The following SLC25A21 variants were observed in gnomAD, a reference collection of about 807,000 sequenced individuals.
SLC25A21 encodes mitochondrial 2-oxodicarboxylate carrier.
Under a neutral mutation model 43.8 loss-of-function variants are expected in SLC25A21, and 47 were observed. That is an observed-to-expected ratio of 1.07 (90% CI 0.85 to 1.37). SLC25A21 has a LOEUF of 1.37. Ranked by LOEUF, SLC25A21 falls within the 40% of genes most tolerant of loss-of-function variation. SLC25A21 has a pLI of 0.00. For synonymous variants in SLC25A21, 131 were observed against 121.3 expected (o/e 1.08, Z -0.52); for missense variants, 352 against 350.2 (o/e 1.00, Z -0.04).
At chr14:36,990,957 A>G (rs1371572851) in intron 1 of SLC25A21, among the ~76,000 whole-genome samples, 1 of 152,110 alleles carries the variant, frequency 6.6e-6, no homozygotes, top group Non-Finnish European at 1.5e-5. Flanking sequence ...ATCATCAGTC[A>G]ACTTGGAGTT....
intron 1 of SLC25A21, among the ~76,000 whole-genome samples, chr14:37,119,409 C>G (rs573662911): frequency 4.6e-5 from 7 of 151,958 alleles, no homozygotes; most frequent in African/African-American, 1.4e-4. Context: ...ATTATCCAGG[C>G]GTGGTGGTGT....
intron 3 of SLC25A21, among the ~76,000 whole-genome samples, chr14:36,813,366 A>AT (rs5807910): frequency 0.68 from 101,957 of 149,390 alleles, 36,068 homozygotes; most frequent in East Asian, 1. Flanking sequence ...GGACGCATCA[A>AT]TTTTTTTTTT....
chr14:37,075,241 C>G (rs1489134113), intron 1 of SLC25A21, among the ~76,000 whole-genome samples: 1 of 152,020 alleles, frequency 6.6e-6, no homozygotes, highest in African/African-American at 2.4e-5. Context: ...CTGATTTACA[C>G]TTCATGGGTG....
chr14:37,150,815 G>A (rs1963746406), intron 1 of SLC25A21, among the ~76,000 whole-genome samples: 1 of 152,074 alleles, frequency 6.6e-6, no homozygotes, highest in South Asian at 2.1e-4. Flanking sequence ...CAGATCTCTG[G>A]AGAGGATCTT....
At chr14:37,060,384 A>AATG (rs1961920233) in intron 1 of SLC25A21, among the ~76,000 whole-genome samples, 1 of 122,374 alleles carries the variant, frequency 8.2e-6, no homozygotes, top group Non-Finnish European at 1.6e-5. Context: ...ACTCTCTAAT[A>AATG]ATAATAATAA....
intron 2 of SLC25A21, among the ~76,000 whole-genome samples, chr14:36,843,338 A>G (rs369127368): frequency 8.9e-4 from 136 of 152,286 alleles, no homozygotes; most frequent in African/African-American, 3.2e-3. Flanking sequence ...AAAAAAGTCC[A>G]TTGTCAAGCA....
chr14:36,709,718 C>G (rs1445905068), intron 7 of SLC25A21, among the ~76,000 whole-genome samples: 1 of 149,060 alleles, frequency 6.7e-6, no homozygotes, highest in Non-Finnish European at 1.5e-5. Flanking sequence ...GAGAAAAGTC[C>G]TGGCCTTTAC....
intron 1 of SLC25A21, among the ~76,000 whole-genome samples, chr14:37,022,160 T>G (rs764815775): frequency 5.9e-5 from 9 of 151,952 alleles, no homozygotes; most frequent in Non-Finnish European, 1.2e-4. Flanking sequence ...ACTGCCATTA[T>G]TTTTTGTATA....
intron 1 of SLC25A21, among the ~76,000 whole-genome samples, chr14:36,884,661 A>T (rs2138573145): frequency 6.6e-6 from 1 of 152,248 alleles, no homozygotes; most frequent in African/African-American, 2.4e-5. Flanking sequence ...CTTTTTAGTA[A>T]CAGTGATTCT....
At chr14:37,154,257 C>G (rs534167647) in intron 1 of SLC25A21, among the ~76,000 whole-genome samples, 7 of 152,280 alleles carry the variant, frequency 4.6e-5, no homozygotes, top group South Asian at 4.1e-4. Flanking sequence ...ACAGATATCA[C>G]TAATCCTGTT....
chr14:36,810,575 C>T (rs548372884), intron 3 of SLC25A21, among the ~76,000 whole-genome samples: 1 of 152,034 alleles, frequency 6.6e-6, no homozygotes, highest in Non-Finnish European at 1.5e-5. Context: ...CACTAGGTGA[C>T]CTCAAAATAT....
chr14:37,031,758 T>C (rs1350867061), intron 1 of SLC25A21, among the ~76,000 whole-genome samples: 1 of 152,162 alleles, frequency 6.6e-6, no homozygotes, highest in Non-Finnish European at 1.5e-5. Flanking sequence ...AAACTATCAT[T>C]CCACAGCCAT....
chr14:37,150,970 G>A (rs1566915765), intron 1 of SLC25A21, among the ~76,000 whole-genome samples: 1 of 151,852 alleles, frequency 6.6e-6, no homozygotes, highest in Non-Finnish European at 1.5e-5. Context: ...CATACTTGAT[G>A]GTCGATAAAT....
intron 2 of SLC25A21, among the ~76,000 whole-genome samples, chr14:36,838,613 G>A (rs142976429): frequency 1.6e-3 from 251 of 152,280 alleles, no homozygotes; most frequent in Middle Eastern, 0.01. Flanking sequence ...GAAAATCAAC[G>A]TTAGAGACAG....
chr14:37,097,023 T>G (rs796530805), intron 1 of SLC25A21: 1 of 145,992 alleles, frequency 6.8e-6, no homozygotes, highest in African/African-American at 2.7e-5. Context: ...GGCTGGTTTT[T>G]TTTTTGTTTT....
At chr14:36,725,476 A>AATATAAAT (rs1408906207) in intron 6 of SLC25A21, 94 bp downstream of exon 6, 1 of 355,498 alleles carries the variant, frequency 2.8e-6, no homozygotes, top group Non-Finnish European at 4.2e-6. Context: ...ACTCTGTCCC[A>AATATAAAT]AAATAAATAA....
intron 1 of SLC25A21, among the ~76,000 whole-genome samples, chr14:37,124,919 A>C (rs1450579579): frequency 6.6e-6 from 1 of 152,212 alleles, no homozygotes; most frequent in Non-Finnish European, 1.5e-5. Context: ...AAGCTCCCTG[A>C]GGCCTCCCCA....
chr14:36,846,498 C>A (rs1889547954), intron 2 of SLC25A21, among the ~76,000 whole-genome samples: 1 of 152,122 alleles, frequency 6.6e-6, no homozygotes, highest in African/African-American at 2.4e-5. Flanking sequence ...TCTCCTGCCT[C>A]AGCCTCCCAA....
At chr14:36,982,077 G>T (rs1212066164) in intron 1 of SLC25A21, among the ~76,000 whole-genome samples, 6 of 152,150 alleles carry the variant, frequency 3.9e-5, no homozygotes, top group Non-Finnish European at 8.8e-5. Flanking sequence ...TATCTGGGAA[G>T]TTCTTGCAAA....
Sources: gnomAD v4.1 joint callset for allele counts (sites outside exome capture counted in the v4.1 genomes callset) on GRCh38, gnomAD v4.1.1 for gene constraint, MANE v1.5 for transcripts, NCBI Gene and HGNC (gene_info 2026-07-23, HGNC 2026-07-21) for gene names.